The following XPO7 variants were observed in gnomAD, a reference collection of about 807,000 sequenced individuals.
XPO7 encodes the protein exportin 7.
Under a neutral mutation model 144.3 loss-of-function variants are expected in XPO7, and 21 were observed. That is an observed-to-expected ratio of 0.15 (90% CI 0.10 to 0.21). The LOEUF (loss-of-function observed/expected upper bound fraction) is 0.21, where lower values mean the gene tolerates loss of function less well. Ranked by LOEUF, XPO7 falls within the 10% of genes least tolerant of loss-of-function variation. The probability of loss-of-function intolerance (pLI) is 1.00; values close to 1 mark genes in which losing one functional copy is unlikely to be tolerated. For synonymous variants in XPO7, 580 were observed against 499.6 expected, an observed-to-expected ratio of 1.16 and a Z score of -2.15; for missense variants, 808 against 1,325.8, an observed-to-expected ratio of 0.61 and a Z score of 6.06.
intron 18 of XPO7, 51 bp from the exon 19 acceptor site, chr8:21,991,817 A>G: frequency 6.9e-7 from 1 of 1,450,864 alleles, no homozygotes; most frequent in Non-Finnish European, 9.4e-7. Flanking sequence ...ATATATGCAC[A>G]GCTTTGAATT....
At chr8:21,945,220 C>T (rs963558901) in intron 1 of XPO7, among the ~76,000 whole-genome samples, 1 of 152,170 alleles carries the variant, frequency 6.6e-6, no homozygotes, top group Admixed American at 6.5e-5. Flanking sequence ...GACGGGGTGG[C>T]GGCCGGGCGG....
intron 1 of XPO7, among the ~76,000 whole-genome samples, chr8:21,927,456 T>A (rs1319908021): frequency 6.6e-6 from 1 of 151,912 alleles, no homozygotes; most frequent in Non-Finnish European, 1.5e-5. Flanking sequence ...AGGTTACTGT[T>A]AATGTACCCT....
chr8:21,985,445 C>G (rs1248747444), intron 12 of XPO7, 141 bp from the exon 13 acceptor site: 2 of 769,302 alleles, frequency 2.6e-6, no homozygotes, highest in Non-Finnish European at 4.4e-6. Context: ...CTTACCAAAG[C>G]AGAGAAGTAG....
At chr8:21,954,115 G>T (rs1191111869) in intron 1 of XPO7, among the ~76,000 whole-genome samples, 1 of 152,168 alleles carries the variant, frequency 6.6e-6, no homozygotes, top group Non-Finnish European at 1.5e-5. Flanking sequence ...AAGTACAATT[G>T]TTTGAATCTG....
In XPO7 at chr8:21,969,535, G is replaced by A. The variant is rs1811985836; in HGVS notation, c.218G>A (p.Arg73His). ...ACATGCCTTACCAAGCTTGTATCAC[G>A]CACAAACAACCCCCTACCATTGGAA... ...AATCLTKLVSRTNNPLPLEQR... is the reference protein window; with the variant it reads ...AATCLTKLVSHTNNPLPLEQR... The change falls in exon 3 of 28, where the codon CGC becomes CAC. Residue 73 changes from arginine to histidine, a missense_variant. Arg to His is a conservative substitution (Grantham distance 29). Around this residue, in one of 5 missense-constraint regions of XPO7, gnomAD observed 223 missense variants for 368.8 expected, o/e 0.60. Transcript: ENST00000252512. The A allele has an allele frequency of 2.5e-6, 4 of 1,613,670 alleles. No homozygotes were observed. Among genetic ancestry groups the A allele is most frequent in the Non-Finnish European group, 3.4e-6 (4 of 1,179,784 alleles).
chr8:21,939,973 G>A (rs1810941109), intron 1 of XPO7, among the ~76,000 whole-genome samples: 1 of 152,148 alleles, frequency 6.6e-6, no homozygotes, highest in Non-Finnish European at 1.5e-5. Flanking sequence ...AAGAACTACT[G>A]AGTTATTAGC....
intron 23 of XPO7, 99 bp from the exon 24 acceptor site, chr8:21,999,436 GT>G (rs1585484316): frequency 6.3e-7 from 1 of 1,576,138 alleles, no homozygotes; most frequent in Non-Finnish European, 8.6e-7. Context: ...TAAGTCTTCT[GT>G]TTTCCCACCT....
chr8:21,953,843 T>C (rs1811451330), intron 1 of XPO7, among the ~76,000 whole-genome samples: 1 of 152,218 alleles, frequency 6.6e-6, no homozygotes, highest in African/African-American at 2.4e-5. Context: ...TTTGACTTTT[T>C]TAATTGGTTT....
At chr8:21,923,067 T>C (rs554332920) in intron 1 of XPO7, among the ~76,000 whole-genome samples, 2 of 152,338 alleles carry the variant, frequency 1.3e-5, no homozygotes, top group African/African-American at 4.8e-5. Context: ...TGCAAGGAAA[T>C]GATAAGTGCT....
Position 22,005,213 on chromosome 8 carries a change from C to A in XPO7, c.*125C>A. On this transcript the variant is annotated 3_prime_UTR_variant, in exon 28 of 28. Coordinates refer to ENST00000252512, the MANE Select transcript of XPO7 (RefSeq NM_015024.5). Reference sequence around the variant, plus strand: ...TTCTCCAGGGGTGTGGGGAAAATGGCAAAGGTCAACTAGCTGCTTCCCCAG... The same window carrying A: ...TTCTCCAGGGGTGTGGGGAAAATGGAAAAGGTCAACTAGCTGCTTCCCCAG... 7.2e-6 allele frequency: 5 copies of A among 694,184 alleles called. No homozygotes were observed. Among genetic ancestry groups the A allele is most frequent in the Non-Finnish European group, 9.2e-6 (4 of 432,650 alleles). The allele number at this position is 694,184 out of a possible 1,614,324, so 43.0% of individuals were successfully genotyped here.
At chr8:21,944,478 A>C (rs1811093523) in intron 1 of XPO7, among the ~76,000 whole-genome samples, 2 of 152,146 alleles carry the variant, frequency 1.3e-5, no homozygotes, top group African/African-American at 4.8e-5. Context: ...GAGACTGGAG[A>C]ATCACTTGAA....
intron 1 of XPO7, among the ~76,000 whole-genome samples, chr8:21,935,620 A>G (rs532627862): frequency 6.6e-6 from 1 of 152,324 alleles, no homozygotes; most frequent in South Asian, 2.1e-4. Flanking sequence ...AATTTGTTTT[A>G]TTAGACCGAA....
intron 1 of XPO7, among the ~76,000 whole-genome samples, chr8:21,962,348 G>C (rs1010520938): frequency 1.3e-5 from 2 of 152,050 alleles, no homozygotes; most frequent in Non-Finnish European, 2.9e-5. Context: ...GCACTGGTAA[G>C]AAAAAAGAAA....
intron 21 of XPO7, among the ~76,000 whole-genome samples, chr8:21,998,363 C>A (rs184315582): frequency 6.6e-6 from 1 of 152,176 alleles, no homozygotes; most frequent in Admixed American, 6.5e-5. Flanking sequence ...ATGGTGTGAA[C>A]CCGAGAGGCA....
Position 21,939,454 on chromosome 8 carries a change from C to G in XPO7, c.18+19666C>G, listed in dbSNP as rs539523713. On this transcript the variant is annotated intron_variant, in intron 1 of 27. Coordinates refer to ENST00000252512, the MANE Select transcript of XPO7 (RefSeq NM_015024.5). ...CAAGTTGGTCTCAAACTCCCAACCT[C>G]AGGTGATCCGTCTGCCTCAGCCTCC... 3.9e-5 allele frequency among the ~76,000 whole-genome samples: 6 copies of G among 152,258 alleles called. No homozygotes were observed. The East Asian group carries it at 1.2e-3, about 29-fold the overall frequency.
intron 1 of XPO7, among the ~76,000 whole-genome samples, chr8:21,950,025 C>T (rs986995980): frequency 6.6e-6 from 1 of 152,214 alleles, no homozygotes; most frequent in African/African-American, 2.4e-5. Context: ...GTACTGGGCC[C>T]TAGGCTGTGT....
chr8:21,992,121 T>C (rs1563336054), intron 19 of XPO7, 147 bp downstream of exon 19: 1 of 534,340 alleles, frequency 1.9e-6, no homozygotes, highest in Non-Finnish European at 3.3e-6. Context: ...AGAACCAGTA[T>C]AGATTTGTAA....
At chr8:21,936,887 C>T (rs1013043588) in intron 1 of XPO7, among the ~76,000 whole-genome samples, 1 of 151,834 alleles carries the variant, frequency 6.6e-6, no homozygotes, top group Non-Finnish European at 1.5e-5. Flanking sequence ...GGTGGTTTTG[C>T]GGGTGAAATG....
At chr8:21,945,323 G>A (rs965829556) in intron 1 of XPO7, among the ~76,000 whole-genome samples, 1 of 151,586 alleles carries the variant, frequency 6.6e-6, no homozygotes, top group African/African-American at 2.4e-5. Context: ...AAAAACTGCT[G>A]GAATAGAAGT....
Sources: gnomAD v4.1 joint callset for allele counts (sites outside exome capture counted in the v4.1 genomes callset) on GRCh38, gnomAD v4.1.1 for gene constraint, gnomAD v4.1.1 regional missense constraint, MANE v1.5 for transcripts, NCBI Gene and HGNC (gene_info 2026-07-23, HGNC 2026-07-21) for gene names.